The following CFAP221 variants were observed in gnomAD, a reference collection of about 807,000 sequenced individuals.
The protein encoded by CFAP221 is cilia- and flagella-associated protein 221.
Under a neutral mutation model 113.1 loss-of-function variants are expected in CFAP221, and 97 were observed. The observed-to-expected ratio is 0.86, with a 90% CI of 0.73 to 1.02. The LOEUF (loss-of-function observed/expected upper bound fraction) is 1.02. Among genes scored for constraint, CFAP221 ranks in the 50% least tolerant of loss-of-function variants. The pLI is 0.00. For missense variants in CFAP221, 1,025 were observed against 1,013.4 expected (o/e 1.01, Z -0.16); for synonymous variants, 331 against 354.4 (o/e 0.93, Z 0.74).
Position 119,599,540 on chromosome 2 carries a change from A to G in CFAP221, c.632-1678A>G, listed in dbSNP as rs541039249. On this transcript the variant is annotated intron_variant, in intron 7 of 23. Transcript: ENST00000413369. ...TAATTTCCGGGAGTAGGATGAAGCT[A>G]AAAGAAAATCTGGAGAGAGTTCTTC... 1.1e-4 allele frequency among the ~76,000 whole-genome samples: 16 copies of G among 152,292 alleles called. No individual in the cohort carries two copies. In the South Asian group the frequency reaches 3.3e-3, roughly 32 times the overall value.
At chr2:119,600,123 G>A (rs911549660) in intron 7 of CFAP221, among the ~76,000 whole-genome samples, 5 of 152,146 alleles carry the variant, frequency 3.3e-5, no homozygotes, top group East Asian at 3.9e-4. Context: ...CAGAACATTC[G>A]TCCTCCAGTT....
At chr2:119,550,483 C>T (rs1239995838) in intron 3 of CFAP221, among the ~76,000 whole-genome samples, 2 of 152,252 alleles carry the variant, frequency 1.3e-5, no homozygotes, top group East Asian at 1.9e-4. Flanking sequence ...GGATTTGAAA[C>T]TCTTATTAGG....
chr2:119,615,509 T>C, intron 13 of CFAP221, 102 bp from the exon 14 acceptor site: 1 of 863,256 alleles, frequency 1.2e-6, no homozygotes, highest in East Asian at 2.7e-5. Context: ...AACAAATAAA[T>C]AACAACTTGA....
chr2:119,623,031 AGAG>A (rs1327700599), intron 14 of CFAP221, among the ~76,000 whole-genome samples: 1 of 152,168 alleles, frequency 6.6e-6, no homozygotes, highest in Non-Finnish European at 1.5e-5. Context: ...CAATCACACA[AGAG>A]AAGAAATAAA....
At chr2:119,646,927 A>G (rs771132665) in intron 21 of CFAP221, 31 bp from the exon 22 acceptor site, 2 of 1,575,248 alleles carry the variant, frequency 1.3e-6, no homozygotes, top group South Asian at 1.1e-5. Flanking sequence ...GTGTGACTCT[A>G]TCTTTGACTG....
At position 119,549,238 on chromosome 2, in the gene CFAP221, G is replaced by T. The variant is rs560355458; in HGVS notation, c.240+53G>T. The T allele has an allele frequency of 2.0e-5, 27 of 1,342,130 alleles. No individual in the cohort carries two copies. The East Asian group carries it at 3.8e-4, about 19-fold the overall frequency. The allele number at this position is 1,342,130 out of a possible 1,614,324, so 83.1% of individuals were successfully genotyped here. On this transcript the variant is annotated intron_variant, in intron 3 of 23. Transcript: ENST00000413369. ...ATCATCATAATGAAGTGACAAAAAT[G>T]TTCTGAATTTATATTATTCACTTAT...
At chr2:119,600,131 G>A (rs1404666290) in intron 7 of CFAP221, among the ~76,000 whole-genome samples, 1 of 152,178 alleles carries the variant, frequency 6.6e-6, no homozygotes, top group African/African-American at 2.4e-5. Context: ...TCGTCCTCCA[G>A]TTTACATTCT....
chr2:119,577,980 G>A lies in CFAP221; in HGVS notation c.528-9139G>A, dbSNP rs112848217. On this transcript the variant is annotated intron_variant, in intron 6 of 23. Transcript: ENST00000413369. ...AGTGCTCCTCTCTGCTCCATGCACA[G>A]CCAGCTAGGGCTGCTCAACTGGGAG... Among the ~76,000 whole-genome samples, 519 of 152,306 alleles carry A rather than the reference G, an allele frequency of 3.4e-3. 2 individuals are homozygous for A. The highest frequency in any genetic ancestry group is 0.012 in the African/African-American group (501 of 41,568).
chr2:119,552,273 A>G (rs892668696), intron 3 of CFAP221, among the ~76,000 whole-genome samples: 2 of 146,772 alleles, frequency 1.4e-5, no homozygotes, highest in South Asian at 4.3e-4. Flanking sequence ...ACACTTTACT[A>G]TTTATTTATT....
intron 6 of CFAP221, among the ~76,000 whole-genome samples, chr2:119,577,319 A>G (rs529641523): frequency 5.7e-4 from 87 of 152,346 alleles, no homozygotes; most frequent in Middle Eastern, 3.4e-3. Flanking sequence ...TGGGGCTTCC[A>G]CATATGAATT....
At chr2:119,578,304 G>A (rs1682597642) in intron 6 of CFAP221, among the ~76,000 whole-genome samples, 1 of 152,236 alleles carries the variant, frequency 6.6e-6, no homozygotes, top group Non-Finnish European at 1.5e-5. Flanking sequence ...CCTCTAAGTG[G>A]AAAGAGTGTT....
rs117559504 is a variant in CFAP221 at position 119,554,215 on chromosome 2, G to A, written c.240+5030G>A. Among the ~76,000 whole-genome samples, 28 of 151,678 alleles carry A rather than the reference G, an allele frequency of 1.8e-4. No individual in the cohort carries two copies. The East Asian group carries it at 5.4e-3, about 29-fold the overall frequency. On this transcript the variant is annotated intron_variant, in intron 3 of 23. Transcript: ENST00000413369. ...TATGCAAATTGCCCAAGAATGGAAT[G>A]ACTGAATGTGTATTTAAAACCACAA...
Position 119,587,216 on chromosome 2 carries a change from A to G in CFAP221, c.625A>G (p.Thr209Ala), listed in dbSNP as rs1037960574. 5 of 1,517,672 alleles carry G rather than the reference A, an allele frequency of 3.3e-6. No individual in the cohort carries two copies. Among genetic ancestry groups the G allele is most frequent in the Admixed American group, 2.1e-5 (1 of 48,708 alleles). 94.0% of individuals were successfully genotyped at this position (1,517,672 alleles called of 1,614,324 possible). A position where few individuals can be genotyped will look rare whatever the true frequency, so the allele number is the denominator to read the frequency against. Residue 209 changes from threonine to alanine, a missense_variant, in exon 7 of 24, where the codon ACA becomes GCA. Thr to Ala is a moderately conservative substitution (Grantham distance 58). Transcript: ENST00000413369. ...TCATCAAGCCTTTGCTATTGAGCCA[A>G]CATCAGGTAAGGAGTGTCAAGATTT... The part of the protein sequence containing the change: ...QSHQAFAIEP[T>A]SGIIPANGKM...
Position 119,605,271 on chromosome 2 carries a change from T to A in CFAP221, c.1115T>A (p.Met372Lys), listed in dbSNP as rs757647160. Residue 372 changes from methionine (M) to lysine (K), a missense_variant, in exon 11 of 24, where the codon ATG (methionine) becomes AAG (lysine). Physicochemically the swap from Met to Lys is moderately conservative, Grantham distance 95 (BLOSUM62 -1). Transcript: ENST00000413369. The stretch of plus-strand genomic sequence containing the variant: ...GTCAGACAGGACATTCACGAAGAGA[T>A]GGAAAATCATCTTAAGTGGTAAATA... ...QKVRQDIHEE[M>K]ENHLKWQVHL... is the part of the protein sequence containing the mutation. 2.5e-6 allele frequency: 4 copies of A among 1,613,126 alleles called. No individual in the cohort carries two copies. Among genetic ancestry groups the A allele is most frequent in the Non-Finnish European group, 3.4e-6 (4 of 1,179,086 alleles).
At chr2:119,548,471 G>A (rs1281216751) in intron 2 of CFAP221, among the ~76,000 whole-genome samples, 5 of 152,164 alleles carry the variant, frequency 3.3e-5, no homozygotes, top group Admixed American at 3.3e-4. Context: ...TAAATAAAGA[G>A]CTGGGAAAAT....
chr2:119,585,822 A>C (rs1360030373), intron 6 of CFAP221, among the ~76,000 whole-genome samples: 1 of 152,216 alleles, frequency 6.6e-6, no homozygotes, highest in East Asian at 1.9e-4. Context: ...ACCCAAATGG[A>C]CTTGGTCTTT....
At chr2:119,549,512 C>G (rs951084763) in intron 3 of CFAP221, among the ~76,000 whole-genome samples, 1 of 152,192 alleles carries the variant, frequency 6.6e-6, no homozygotes, top group African/African-American at 2.4e-5. Context: ...CATTATTCCT[C>G]TCATTATATA....
chr2:119,627,641 T>G lies in CFAP221; in HGVS notation c.1517-12T>G, dbSNP rs751657649. On this transcript the variant is annotated splice_polypyrimidine_tract_variant and intron_variant, in intron 15 of 23. Coordinates refer to ENST00000413369, the MANE Select transcript of CFAP221 (RefSeq NM_001271049.2). ...TAGTACCCCCTAAAAGTGCCCTTTT[T>G]TTCACCCATAGAGGCGAATTTCTTC... 1.9e-6 allele frequency: 3 copies of G among 1,612,194 alleles called. No individual in the cohort carries two copies.
chr2:119,587,990 T>C (rs1041785186), intron 7 of CFAP221, among the ~76,000 whole-genome samples: 1 of 152,188 alleles, frequency 6.6e-6, no homozygotes, highest in Non-Finnish European at 1.5e-5. Flanking sequence ...TTGTAAAATA[T>C]AGGGTAACCA....
Sources: gnomAD v4.1 joint callset for allele counts (sites outside exome capture counted in the v4.1 genomes callset) on GRCh38, gnomAD v4.1.1 for gene constraint, MANE v1.5 for transcripts, NCBI Gene and HGNC (gene_info 2026-07-23, HGNC 2026-07-21) for gene names.